The following WFDC1 variants were observed in gnomAD, a reference collection of about 807,000 sequenced individuals.
WFDC1 encodes the protein WAP four-disulfide core domain 1, also known as WAP four-disulfide core domain protein 1.
WFDC1 carries 39 observed loss-of-function variants against 32.9 expected under a neutral mutation model. The observed-to-expected ratio is 1.19, with a 90% CI of 0.92 to 1.55. The LOEUF (loss-of-function observed/expected upper bound fraction) is 1.55. Ranked by LOEUF, WFDC1 falls within the 40% of genes most tolerant of loss-of-function variation. The pLI is 0.00. For synonymous variants in WFDC1, 184 were observed against 137.4 expected (o/e 1.34, Z -2.37); for missense variants, 386 against 309.5 (o/e 1.25, Z -1.85).
intron 1 of WFDC1, among the ~76,000 whole-genome samples, chr16:84,298,768 C>T (rs1176300455): frequency 6.6e-6 from 1 of 152,192 alleles, no homozygotes; most frequent in African/African-American, 2.4e-5. Flanking sequence ...GCTGTTTATG[C>T]TTCTTGGTCT....
At chr16:84,318,193 T>A in intron 2 of WFDC1, 79 bp from the exon 3 acceptor site, 1 of 1,369,076 alleles carries the variant, frequency 7.3e-7, no homozygotes, top group East Asian at 2.3e-5. Flanking sequence ...GTCATGAAGT[T>A]GGGGTGCCCC....
At chr16:84,324,018 G>T (rs2151380105) in intron 4 of WFDC1, among the ~76,000 whole-genome samples, 1 of 152,354 alleles carries the variant, frequency 6.6e-6, no homozygotes, top group East Asian at 1.9e-4. Flanking sequence ...TACTCGGGAG[G>T]CTGAGGCAGG....
At chr16:84,324,510 G>T in intron 5 of WFDC1, 50 bp downstream of exon 5, 3 of 1,593,098 alleles carry the variant, frequency 1.9e-6, no homozygotes, top group Non-Finnish European at 2.6e-6. Flanking sequence ...AAAAAAGGCA[G>T]TGAAAGTTTC....
At chr16:84,319,338 G>C in intron 3 of WFDC1, 93 bp from the exon 4 acceptor site, 1 of 1,529,470 alleles carries the variant, frequency 6.5e-7, no homozygotes, top group East Asian at 2.3e-5. Flanking sequence ...TGCGTTCCCT[G>C]CACCCGTCCC....
intron 6 of WFDC1, chr16:84,327,169 G>C (rs1409492254): frequency 1.8e-6 from 1 of 549,378 alleles, no homozygotes; most frequent in African/African-American, 1.9e-5. Flanking sequence ...TATATGCACT[G>C]TATGCCATAG....
At chr16:84,310,654 A>T (rs1024468632) in intron 1 of WFDC1, among the ~76,000 whole-genome samples, 1 of 152,290 alleles carries the variant, frequency 6.6e-6, no homozygotes, top group Non-Finnish European at 1.5e-5. Flanking sequence ...TTCTCAGCCT[A>T]TGCAAATAGA....
At chr16:84,302,416 G>A (rs974338526) in intron 1 of WFDC1, among the ~76,000 whole-genome samples, 1 of 152,126 alleles carries the variant, frequency 6.6e-6, no homozygotes, top group Non-Finnish European at 1.5e-5. Context: ...GAGAACCTGA[G>A]GCACCTCTCG....
At chr16:84,323,509 T>C (rs1488422856) in intron 4 of WFDC1, among the ~76,000 whole-genome samples, 4 of 152,224 alleles carry the variant, frequency 2.6e-5, no homozygotes, top group Non-Finnish European at 5.9e-5. Context: ...AGTTGACCAC[T>C]TTTTACACAC....
At chr16:84,312,829 C>T (rs955778158) in intron 1 of WFDC1, 132 bp from the exon 2 acceptor site, 9 of 425,478 alleles carry the variant, frequency 2.1e-5, no homozygotes, top group Non-Finnish European at 3.0e-5. Flanking sequence ...GCTCTGCCTG[C>T]TTGCTGTTTC....
chr16:84,312,942 C>T lies in WFDC1; in HGVS notation c.145-19C>T. On this transcript the variant is annotated intron_variant, in intron 1 of 6. Transcript: ENST00000219454. ...CGAACGCGCGCCCCAGAGCTGCTGACACCGCCCTCTCCCCGCAGGCCGAGG... is the reference window on the plus strand; with the variant it reads ...CGAACGCGCGCCCCAGAGCTGCTGATACCGCCCTCTCCCCGCAGGCCGAGG... 6.9e-6 allele frequency: 8 copies of T among 1,151,952 alleles called. No homozygotes were observed. The highest frequency in any genetic ancestry group is 8.5e-6 in the Non-Finnish European group (8 of 937,434). 71.4% of individuals were successfully genotyped at this position (1,151,952 alleles called of 1,614,324 possible).
chr16:84,295,455 A>C, intron 1 of WFDC1: 1 of 471,212 alleles, frequency 2.1e-6, no homozygotes, highest in Non-Finnish European at 3.7e-6. Flanking sequence ...CGTCTCCCTG[A>C]TCAGTACCAA....
At chr16:84,315,257 C>T (rs1907880830) in intron 2 of WFDC1, among the ~76,000 whole-genome samples, 2 of 152,336 alleles carry the variant, frequency 1.3e-5, no homozygotes, top group Non-Finnish European at 2.9e-5. Context: ...AGATTTCCCT[C>T]TCTCAATGAC....
chr16:84,306,313 C>T (rs1907254693), intron 1 of WFDC1, among the ~76,000 whole-genome samples: 1 of 152,196 alleles, frequency 6.6e-6, no homozygotes, highest in African/African-American at 2.4e-5. Context: ...AGATCATGAG[C>T]TTCGGTCCCT....
At chr16:84,312,022 G>A (rs1045022431) in intron 1 of WFDC1, among the ~76,000 whole-genome samples, 5 of 152,028 alleles carry the variant, frequency 3.3e-5, no homozygotes, top group South Asian at 4.2e-4. Context: ...AAAATTAGCC[G>A]GGTGTGGTGG....
chr16:84,323,731 A>T (rs1289035886), intron 4 of WFDC1, among the ~76,000 whole-genome samples: 1 of 152,210 alleles, frequency 6.6e-6, no homozygotes, highest in African/African-American at 2.4e-5. Context: ...TCTTGGGCAG[A>T]CTCAAAAGAG....
In WFDC1 at chr16:84,326,892, A is replaced by T. The variant is rs778664755; in HGVS notation, c.615A>T (p.Ser205=). Residue 205 remains serine, a synonymous_variant, in exon 6 of 7, where the codon TCA becomes TCT. Coordinates refer to ENST00000219454, the MANE Select transcript of WFDC1 (RefSeq NM_021197.4). ...KLYKEYPEGD[S]KNVAEPGRGQ... The stretch of plus-strand genomic sequence containing the variant: ...GTGTTCTTTTCACAGAAGGTGACTC[A>T]AAGAATGTGGCAGAACCTGGAAGGG... The T allele has an allele frequency of 5.0e-6, 8 of 1,614,008 alleles. No individual in the cohort carries two copies. The East Asian group carries it at 1.3e-4, about 27-fold the overall frequency.
chr16:84,319,441 C>T lies in WFDC1; in HGVS notation c.432C>T (p.Cys144=), dbSNP rs1257930798. The T allele has an allele frequency of 5.0e-6, 8 of 1,610,316 alleles. No individual in the cohort carries two copies. The African/African-American group carries it at 9.3e-5, about 19-fold the overall frequency. ...GPEEVLQAEA[C]STTEDGAEPL... ...GTGTCCCTCCTGCAGCAGAGGCGTG[C>T]AGCACCACGGAGGATGGGGCCGAAC... The change falls in exon 4 of 7, where the codon TGC becomes TGT. Residue 144 remains cysteine (C), a synonymous_variant. Coordinates refer to ENST00000219454, the MANE Select transcript of WFDC1 (RefSeq NM_021197.4).
chr16:84,322,145 C>CTGTGTGTGTGTGCGTGTGTG (rs1185386626), intron 4 of WFDC1, among the ~76,000 whole-genome samples: 1 of 109,332 alleles, frequency 9.1e-6, no homozygotes, highest in Non-Finnish European at 2.1e-5. Flanking sequence ...GCCTCAGAGC[C>CTGTGTGTGTGTGCGTGTGTG]TGTGTGTGTG....
rs143345201 is a variant in WFDC1, at chr16:84,298,572, C to T, written c.144+3457C>T. ...CCTCACGTGGGTTGCCTGAAATCAA[C>T]CATGCTGGGAGTATTTACACCTTGG... On this transcript the variant is annotated intron_variant, in intron 1 of 6. Coordinates refer to ENST00000219454, the MANE Select transcript of WFDC1 (RefSeq NM_021197.4). 9.2e-5 allele frequency among the ~76,000 whole-genome samples: 14 copies of T among 152,270 alleles called. No individual in the cohort carries two copies. In the East Asian group the frequency reaches 2.7e-3, roughly 29 times the overall value.
Sources: gnomAD v4.1 joint callset for allele counts (sites outside exome capture counted in the v4.1 genomes callset) on GRCh38, gnomAD v4.1.1 for gene constraint, MANE v1.5 for transcripts, NCBI Gene and HGNC (gene_info 2026-07-23, HGNC 2026-07-21) for gene names.